The following GPC6 variants were observed in gnomAD, a reference collection of about 807,000 sequenced individuals.
GPC6 encodes the protein glypican-6.
GPC6 carries 14 observed loss-of-function variants against 55.2 expected under a neutral mutation model. The ratio of observed to expected loss-of-function variants is 0.25; its 90% CI spans 0.17 to 0.40. GPC6 has a LOEUF of 0.40. Ranked by LOEUF, GPC6 falls within the 10% of genes least tolerant of loss-of-function variation. The probability of loss-of-function intolerance (pLI) is 1.00; values close to 1 mark genes in which losing one functional copy is unlikely to be tolerated. For missense variants in GPC6, 641 were observed against 708.5 expected (o/e 0.90, Z 1.08); for synonymous variants, 278 against 259.6 (o/e 1.07, Z -0.68).
chr13:94,371,649 C>T (rs1467663135), intron 6 of GPC6, among the ~76,000 whole-genome samples: 2 of 152,176 alleles, frequency 1.3e-5, no homozygotes, highest in Non-Finnish European at 1.5e-5. Context: ...CTCTGCTGAA[C>T]CCAGCAGTTG....
intron 3 of GPC6, among the ~76,000 whole-genome samples, chr13:93,873,344 C>A (rs1018730859): frequency 6.6e-6 from 1 of 151,902 alleles, no homozygotes; most frequent in Non-Finnish European, 1.5e-5. Flanking sequence ...GGAGGAGTGA[C>A]TAGCAGCTCA....
At chr13:93,939,109 A>T (rs888958316) in intron 3 of GPC6, among the ~76,000 whole-genome samples, 2 of 151,150 alleles carry the variant, frequency 1.3e-5, no homozygotes, top group Non-Finnish European at 2.9e-5. Context: ...AAAAAATAAA[A>T]AATAAATAAA....
intron 1 of GPC6, among the ~76,000 whole-genome samples, chr13:93,438,567 G>A (rs1877659617): frequency 6.6e-6 from 1 of 151,922 alleles, no homozygotes; most frequent in Non-Finnish European, 1.5e-5. Context: ...GAAATAGAAG[G>A]GTAATCTGAA....
intron 4 of GPC6, among the ~76,000 whole-genome samples, chr13:94,284,244 G>A (rs1332381301): frequency 6.6e-6 from 1 of 152,134 alleles, no homozygotes; most frequent in Non-Finnish European, 1.5e-5. Context: ...CAAGTCCCAG[G>A]GCCGACAGTT....
intron 4 of GPC6, among the ~76,000 whole-genome samples, chr13:94,180,322 T>G (rs1397739539): frequency 6.6e-6 from 1 of 152,194 alleles, no homozygotes; most frequent in Non-Finnish European, 1.5e-5. Flanking sequence ...TTTGAGGCCT[T>G]ACCACATGTT....
intron 4 of GPC6, among the ~76,000 whole-genome samples, chr13:94,154,801 C>T (rs750760030): frequency 2.6e-5 from 4 of 152,190 alleles, no homozygotes; most frequent in Non-Finnish European, 4.4e-5. Context: ...GAGGTTTTAA[C>T]ACATTATGCC....
chr13:94,294,607 C>A (rs962006526), intron 5 of GPC6, among the ~76,000 whole-genome samples: 5 of 152,088 alleles, frequency 3.3e-5, no homozygotes, highest in South Asian at 4.1e-4. Context: ...TTGATTATTA[C>A]AGGTTTCTTT....
intron 7 of GPC6, among the ~76,000 whole-genome samples, chr13:94,397,902 T>C (rs1043851199): frequency 6.6e-6 from 1 of 152,156 alleles, no homozygotes; most frequent in Non-Finnish European, 1.5e-5. Context: ...TGGGAGGTAA[T>C]TGAATCATGG....
At chr13:94,202,202 A>C (rs1311721257) in intron 4 of GPC6, among the ~76,000 whole-genome samples, 1 of 152,220 alleles carries the variant, frequency 6.6e-6, no homozygotes, top group East Asian at 1.9e-4. Context: ...TCCAGCCCAC[A>C]GTCCTTTGCA....
chr13:93,325,739 GA>G (rs148553866), intron 1 of GPC6, among the ~76,000 whole-genome samples: 4 of 151,966 alleles, frequency 2.6e-5, no homozygotes, highest in Non-Finnish European at 5.9e-5. Context: ...AAGAAAGAGA[GA>G]AAAAAAGAGT....
intron 4 of GPC6, among the ~76,000 whole-genome samples, chr13:94,083,332 A>G (rs146934012): frequency 5.3e-4 from 80 of 152,164 alleles, no homozygotes; most frequent in African/African-American, 1.9e-3. Context: ...GTTAGCCAGG[A>G]TGGTCTCGAT....
chr13:94,250,144 C>T (rs894212298), intron 4 of GPC6, among the ~76,000 whole-genome samples: 6 of 152,070 alleles, frequency 3.9e-5, no homozygotes, highest in East Asian at 1.9e-4. Flanking sequence ...AAAGTCTTTG[C>T]GTATATAATT....
At chr13:93,688,255 G>A (rs1428092625) in intron 2 of GPC6, among the ~76,000 whole-genome samples, 1 of 152,066 alleles carries the variant, frequency 6.6e-6, no homozygotes, top group Non-Finnish European at 1.5e-5. Context: ...GCTAAAGCAA[G>A]AAGTAAGAGA....
intron 2 of GPC6, among the ~76,000 whole-genome samples, chr13:93,677,357 A>G (rs1444230831): frequency 6.6e-6 from 1 of 152,208 alleles, no homozygotes; most frequent in Non-Finnish European, 1.5e-5. Flanking sequence ...ATGTCAATAA[A>G]TACAGAGTAT....
At chr13:93,437,120 T>A (rs1215049752) in intron 1 of GPC6, among the ~76,000 whole-genome samples, 2 of 152,162 alleles carry the variant, frequency 1.3e-5, no homozygotes, top group African/African-American at 4.8e-5. Flanking sequence ...CATGCCCATA[T>A]AAAAAAGCAA....
chr13:94,306,873 C>T (rs1327871979), intron 6 of GPC6, among the ~76,000 whole-genome samples: 2 of 152,192 alleles, frequency 1.3e-5, no homozygotes, highest in African/African-American at 4.8e-5. Flanking sequence ...TATATACCTA[C>T]AATTGTTAGT....
intron 2 of GPC6, among the ~76,000 whole-genome samples, chr13:93,806,731 T>C (rs1886552907): frequency 1.3e-5 from 2 of 152,208 alleles, no homozygotes; most frequent in Non-Finnish European, 2.9e-5. Context: ...ATGTTAGGAT[T>C]CTTAGCTAAC....
intron 4 of GPC6, among the ~76,000 whole-genome samples, chr13:94,260,460 T>C (rs1891623945): frequency 6.6e-6 from 1 of 152,172 alleles, no homozygotes; most frequent in Non-Finnish European, 1.5e-5. Flanking sequence ...CAACCTTGGA[T>C]TATACTTGGC....
intron 2 of GPC6, among the ~76,000 whole-genome samples, chr13:93,722,040 C>A (rs948649945): frequency 2.6e-5 from 4 of 151,810 alleles, no homozygotes; most frequent in Middle Eastern, 3.4e-3. Context: ...TGACAATATA[C>A]AGCAGATAAA....
Sources: gnomAD v4.1 joint callset for allele counts (sites outside exome capture counted in the v4.1 genomes callset) on GRCh38, gnomAD v4.1.1 for gene constraint, MANE v1.5 for transcripts, NCBI Gene and HGNC (gene_info 2026-07-23, HGNC 2026-07-21) for gene names.